Variants in KCNA2 observed in about 807,000 individuals in gnomAD.
KCNA2 encodes the protein potassium channel, voltage gated shaker related subfamily A, member 2.
KCNA2 carries 11 observed loss-of-function variants against 33.4 expected under a neutral mutation model. The ratio of observed to expected loss-of-function variants is 0.33; its 90% CI spans 0.21 to 0.55. The LOEUF is 0.55. Ranked by LOEUF, KCNA2 falls within the 20% of genes least tolerant of loss-of-function variation. The pLI is 0.93. For synonymous variants in KCNA2, 222 were observed against 231.3 expected, an observed-to-expected ratio of 0.96 and a Z score of 0.37; for missense variants, 291 against 621.6, an observed-to-expected ratio of 0.47 and a Z score of 5.66.
intron 1 of KCNA2, among the ~76,000 whole-genome samples, chr1:110,629,420 C>T (rs1364236428): frequency 6.6e-6 from 1 of 152,212 alleles, no homozygotes; most frequent in Non-Finnish European, 1.5e-5. Context: ...CCTGACACAA[C>T]ATAAATGGAG....
chr1:110,601,145 C>G lies in KCNA2; in HGVS notation c.*2138G>C. On this transcript the variant is annotated 3_prime_UTR_variant, in exon 3 of 3. Coordinates refer to ENST00000316361, the MANE Select transcript of KCNA2 (RefSeq NM_004974.4). ...GGGTGGGAAATGATTCTTTACCCAT[C>G]CTTTGGTTCTTTTTAAAAAGCAGCT... The G allele has an allele frequency of 2.0e-6, 2 of 985,436 alleles. No homozygotes were observed. Among genetic ancestry groups the G allele is most frequent in the Non-Finnish European group, 2.4e-6 (2 of 829,976 alleles). 61.0% of individuals were successfully genotyped at this position (985,436 alleles called of 1,614,324 possible). A position where few individuals can be genotyped will look rare whatever the true frequency, so the allele number is the denominator to read the frequency against.
intron 1 of KCNA2, among the ~76,000 whole-genome samples, chr1:110,612,877 G>A (rs991942701): frequency 1.3e-5 from 2 of 152,236 alleles, no homozygotes; most frequent in Non-Finnish European, 2.9e-5. Flanking sequence ...AGACAGGTCA[G>A]GTTAAGACTT....
At position 110,604,750 on chromosome 1, in the gene KCNA2, C is replaced by T; in HGVS notation, c.33G>A (p.Glu11=). ...GTGGGTGCCCAGGGAGGGCAGCAGC[C>T]TCGTCTGCTGGGTCTCCGGTGGCCA... MTVATGDPAD[E]AAALPGHPQD... is the part of the protein sequence containing the mutation. The change falls in exon 3 of 3, where the codon GAG becomes GAA. Residue 11 remains glutamate, a synonymous_variant. Transcript: ENST00000316361. The surrounding 1 kb of genome is among the most constrained non-coding windows in gnomAD (Gnocchi z 7.6). The T allele has an allele frequency of 6.2e-7, 1 of 1,613,824 alleles. No homozygotes were observed. Among genetic ancestry groups the T allele is most frequent in the Non-Finnish European group, 8.5e-7 (1 of 1,179,888 alleles).
chr1:110,628,265 C>A (rs1178021594), intron 1 of KCNA2, among the ~76,000 whole-genome samples: 1 of 152,052 alleles, frequency 6.6e-6, no homozygotes, highest in African/African-American at 2.4e-5. Context: ...GAGTTTGCAT[C>A]CAGTTTTGAT....
At position 110,594,298 on chromosome 1, in the gene KCNA2, TATATATATAC is replaced by T; in HGVS notation, c.*8975_*8984del. ...TTTCCTCTCTCTCTCTCTCTCTATATATATATATACATATATATATATATGTGTGTGTATA... is the reference window on the plus strand; with the variant it reads ...TTTCCTCTCTCTCTCTCTCTCTATATATATATATATATATGTGTGTGTATA... On this transcript the variant is annotated 3_prime_UTR_variant, in exon 3 of 3. Coordinates refer to ENST00000316361, the MANE Select transcript of KCNA2 (RefSeq NM_004974.4). The T allele has an allele frequency of 1.1e-6, 1 of 934,878 alleles. No homozygotes were observed. The allele number at this position is 934,878 out of a possible 1,614,324, so 57.9% of individuals were successfully genotyped here. A position where few individuals can be genotyped will look rare whatever the true frequency, so the allele number is the denominator to read the frequency against.
At chr1:110,619,449 C>T (rs1009285069) in intron 1 of KCNA2, among the ~76,000 whole-genome samples, 5 of 152,240 alleles carry the variant, frequency 3.3e-5, no homozygotes, top group Non-Finnish European at 5.9e-5. Flanking sequence ...AAAGGAGGCC[C>T]CTCCTACACA....
intron 1 of KCNA2, among the ~76,000 whole-genome samples, chr1:110,619,912 A>G (rs1300298759): frequency 2.6e-5 from 4 of 152,110 alleles, no homozygotes; most frequent in Admixed American, 6.5e-5. Context: ...CCTCCCCTGG[A>G]CAGCTCCCAG....
rs1649088040 is a variant in KCNA2 at position 110,596,118 on chromosome 1, T to A, written c.*7165A>T. 2.0e-6 allele frequency: 2 copies of A among 985,220 alleles called. No homozygotes were observed. Among genetic ancestry groups the A allele is most frequent in the African/African-American group, 1.7e-5 (1 of 57,200 alleles). 61.0% of individuals were successfully genotyped at this position (985,220 alleles called of 1,614,324 possible). On this transcript the variant is annotated 3_prime_UTR_variant, in exon 3 of 3. Transcript: ENST00000316361. ...AAGAGGTGATCCTGTAGCCTGTTCT[T>A]TTTTTATGAAAGATCTGCCTTCTAG...
rs1319230421 is a variant in KCNA2, at chr1:110,598,408, TCTGTGACTCTACTA to T, written c.*4861_*4874del. ...TAGTTTCCTTAGGGGGGAGTCAGCC[TCTGTGACTCTACTA>T]CTGTGGGCAGTGCTGAATCCCCAGC... is the stretch of plus-strand genomic sequence containing the variant. On this transcript the variant is annotated 3_prime_UTR_variant, in exon 3 of 3. Transcript: ENST00000316361. The T allele has an allele frequency of 2.0e-6, 2 of 985,250 alleles. No homozygotes were observed. Among genetic ancestry groups the T allele is most frequent in the African/African-American group, 3.5e-5 (2 of 57,208 alleles). 61.0% of individuals were successfully genotyped at this position (985,250 alleles called of 1,614,324 possible).
At chr1:110,605,332 A>G (rs1020786110) in intron 2 of KCNA2, 59 bp downstream of exon 2, 2 of 154,310 alleles carry the variant, frequency 1.3e-5, no homozygotes, top group Admixed American at 1.3e-4. Flanking sequence ...GGTCTTTCTC[A>G]TTGGCCTCCA....
upstream of KCNA2, among the ~76,000 whole-genome samples, chr1:110,609,907 A>G (rs776113369): frequency 6.6e-6 from 1 of 152,144 alleles, no homozygotes; most frequent in Non-Finnish European, 1.5e-5. Context: ...TGAGCCTCCT[A>G]CTGTTCGTTT....
chr1:110,626,779 G>C (rs926282515), intron 1 of KCNA2, among the ~76,000 whole-genome samples: 2 of 152,134 alleles, frequency 1.3e-5, no homozygotes, highest in African/African-American at 2.4e-5. Flanking sequence ...TCAGGCACCA[G>C]CCAGACCAGA....
At position 110,599,385 on chromosome 1, in the gene KCNA2, T is replaced by C. The variant is rs1649239529; in HGVS notation, c.*3898A>G. On this transcript the variant is annotated 3_prime_UTR_variant, in exon 3 of 3. Coordinates refer to ENST00000316361, the MANE Select transcript of KCNA2 (RefSeq NM_004974.4). The stretch of plus-strand genomic sequence containing the variant: ...GTTAGCTTGCTTAGCCTTAGATGTA[T>C]GTTCTTAATCACTTTTTACTTAAGC... 1 of 985,314 alleles carries C rather than the reference T, an allele frequency of 1.0e-6. No homozygotes were observed. The highest frequency in any genetic ancestry group is 1.2e-6 in the Non-Finnish European group (1 of 829,928). The allele number at this position is 985,314 out of a possible 1,614,324, so 61.0% of individuals were successfully genotyped here.
At chr1:110,620,461 C>T (rs1047530333) in intron 1 of KCNA2, among the ~76,000 whole-genome samples, 2 of 152,186 alleles carry the variant, frequency 1.3e-5, no homozygotes, top group Admixed American at 1.3e-4. Flanking sequence ...ATCGTCTCAC[C>T]TGTCTTTCCC....
At chr1:110,631,333 AT>A (rs1407930844) in intron 1 of KCNA2, 2 of 152,162 alleles carry the variant, frequency 1.3e-5, no homozygotes, top group African/African-American at 4.8e-5. Context: ...TGCTCACATC[AT>A]TCCCTGCCTG....
In KCNA2 at chr1:110,599,006, TG is replaced by T. The variant is rs1649223553; in HGVS notation, c.*4276del. 2 of 985,282 alleles carry T rather than the reference TG, an allele frequency of 2.0e-6. No homozygotes were observed. Among genetic ancestry groups the T allele is most frequent in the African/African-American group, 3.5e-5 (2 of 57,214 alleles). 61.0% of individuals were successfully genotyped at this position (985,282 alleles called of 1,614,324 possible). ...GATGAAGCCAACAGGAATGGTACCT[TG>T]ACCTGGAAACACAAGTTTCCAGCAA... On this transcript the variant is annotated 3_prime_UTR_variant, in exon 3 of 3. Coordinates refer to ENST00000316361, the MANE Select transcript of KCNA2 (RefSeq NM_004974.4).
Position 110,602,158 on chromosome 1 carries a change from G to A in KCNA2, c.*1125C>T, listed in dbSNP as rs1269180620. On this transcript the variant is annotated 3_prime_UTR_variant, in exon 3 of 3. Transcript: ENST00000316361. Reference sequence around the variant, plus strand: ...CCCCGCTTACTCTTCTGGCTTTGCAGAGGTCTGCGTTCCTGTTTAGAAGAA... The same window carrying A: ...CCCCGCTTACTCTTCTGGCTTTGCAAAGGTCTGCGTTCCTGTTTAGAAGAA... The A allele has an allele frequency of 1.3e-6, 2 of 1,550,532 alleles. No individual in the cohort carries two copies. The highest frequency in any genetic ancestry group is 1.2e-5 in the South Asian group (1 of 84,054).
intron 1 of KCNA2, among the ~76,000 whole-genome samples, chr1:110,626,591 C>A (rs558320455): frequency 6.6e-6 from 1 of 151,692 alleles, no homozygotes; most frequent in South Asian, 2.1e-4. Context: ...TATTACTATT[C>A]AAAGCAAAAA....
At chr1:110,625,263 G>T (rs1192919205) in intron 1 of KCNA2, among the ~76,000 whole-genome samples, 1 of 152,190 alleles carries the variant, frequency 6.6e-6, no homozygotes, top group African/African-American at 2.4e-5. Flanking sequence ...ATAATCAGAA[G>T]AGTGTGGTGG....
Sources: allele counts gnomAD v4.1 joint callset (sites outside exome capture counted in the v4.1 genomes callset), GRCh38; gene constraint gnomAD v4.1.1; non-coding constraint Gnocchi (gnomAD v3.1); transcripts MANE v1.5; gene names NCBI Gene and HGNC (gene_info 2026-07-23, HGNC 2026-07-21).